The following MCFD2 variants were observed in gnomAD, a reference collection of about 807,000 sequenced individuals.
MCFD2 encodes multiple coagulation factor deficiency protein 2.
A neutral mutation model predicts 12.8 loss-of-function variants in MCFD2; 11 were observed. That is an observed-to-expected ratio of 0.86 (90% CI 0.54 to 1.42). The LOEUF (loss-of-function observed/expected upper bound fraction) is 1.42, where lower values mean the gene tolerates loss of function less well. MCFD2 is among the 40% of genes most tolerant of loss of function. MCFD2 has a pLI of 0.00. For missense variants in MCFD2, 191 were observed against 178.6 expected, an observed-to-expected ratio of 1.07 and a Z score of -0.40; for synonymous variants, 70 against 68.1, an observed-to-expected ratio of 1.03 and a Z score of -0.14.
chr2:46,918,829 G>A (rs1251978305), upstream of MCFD2, among the ~76,000 whole-genome samples: 4 of 152,166 alleles, frequency 2.6e-5, no homozygotes, highest in African/African-American at 9.6e-5. Flanking sequence ...GCAACTCTAC[G>A]TTGGAAATAA....
At chr2:46,922,734 G>A (rs144501742) in intron 1 of MCFD2, among the ~76,000 whole-genome samples, 33 of 152,180 alleles carry the variant, frequency 2.2e-4, no homozygotes, top group African/African-American at 5.8e-4. Flanking sequence ...AAAATGTGGG[G>A]AGGGGCGGGG....
chr2:46,914,865 A>C (rs993292372), intron 1 of MCFD2, among the ~76,000 whole-genome samples: 11 of 152,260 alleles, frequency 7.2e-5, no homozygotes, highest in Non-Finnish European at 7.3e-5. Flanking sequence ...AAAAAGATTC[A>C]GTATGGTTGA....
chr2:46,917,188 G>C (rs1486435633), upstream of MCFD2: 2 of 700,640 alleles, frequency 2.9e-6, no homozygotes, highest in African/African-American at 3.5e-5. Flanking sequence ...TTAAAGAAAA[G>C]AGTCTCCATG....
upstream of MCFD2, among the ~76,000 whole-genome samples, chr2:46,917,701 T>A (rs1162667492): frequency 1.8e-4 from 27 of 152,228 alleles, no homozygotes; most frequent in Admixed American, 1.5e-3. Context: ...AAACTTGCTG[T>A]ATTTTCTCCC....
intron 1 of MCFD2, 98 bp downstream of exon 1, chr2:46,915,625 C>T: frequency 3.0e-6 from 1 of 337,092 alleles, no homozygotes; most frequent in Non-Finnish European, 4.2e-6. Context: ...GCCCGCGCCC[C>T]CAGACTACTC....
intron 1 of MCFD2, among the ~76,000 whole-genome samples, chr2:46,923,815 C>T (rs553757025): frequency 1.9e-4 from 29 of 152,216 alleles, no homozygotes; most frequent in African/African-American, 6.5e-4. Context: ...TCACTGCAAC[C>T]TCTGCCTCCC....
intron 1 of MCFD2, among the ~76,000 whole-genome samples, chr2:46,926,347 C>G (rs1046324615): frequency 1.3e-5 from 2 of 152,118 alleles, no homozygotes; most frequent in Non-Finnish European, 2.9e-5. Context: ...GCTCCCTATC[C>G]TCAAGATACA....
chr2:46,919,198 T>C (rs1300870685), upstream of MCFD2, among the ~76,000 whole-genome samples: 1 of 152,254 alleles, frequency 6.6e-6, no homozygotes, highest in Non-Finnish European at 1.5e-5. Context: ...ATATTACTTA[T>C]TTGGAAAAAT....
chr2:46,924,784 C>T (rs909599431), intron 1 of MCFD2, among the ~76,000 whole-genome samples: 17 of 152,134 alleles, frequency 1.1e-4, no homozygotes, highest in African/African-American at 2.4e-4. Context: ...ACTGCCAGCA[C>T]GCCTGGCTAA....
chr2:46,928,777 A>G (rs544138141), intron 1 of MCFD2, among the ~76,000 whole-genome samples: 1 of 152,214 alleles, frequency 6.6e-6, no homozygotes, highest in Non-Finnish European at 1.5e-5. Flanking sequence ...AAGAAAAAAA[A>G]AAAGTCCCAC....
chr2:46,910,626 A>G (rs1286224842), intron 1 of MCFD2, among the ~76,000 whole-genome samples: 3 of 152,192 alleles, frequency 2.0e-5, no homozygotes, highest in Non-Finnish European at 4.4e-5. Context: ...CAGAACCCTG[A>G]AAGTGTGAGT....
At chr2:46,914,786 C>A (rs1202740427) in intron 1 of MCFD2, among the ~76,000 whole-genome samples, 2 of 152,168 alleles carry the variant, frequency 1.3e-5, no homozygotes, top group African/African-American at 2.4e-5. Flanking sequence ...AAGGACAGTG[C>A]CTCAGACATA....
chr2:46,932,746 C>T (rs1158497759), intron 1 of MCFD2, among the ~76,000 whole-genome samples: 1 of 151,404 alleles, frequency 6.6e-6, no homozygotes, highest in Non-Finnish European at 1.5e-5. Flanking sequence ...GCTAAAGATA[C>T]AAAAATTAGC....
intron 1 of MCFD2, among the ~76,000 whole-genome samples, chr2:46,931,050 A>C (rs1669675665): frequency 6.6e-6 from 1 of 152,244 alleles, no homozygotes; most frequent in Non-Finnish European, 1.5e-5. Context: ...TAGCAATTCA[A>C]ATCAAACAAT....
intron 1 of MCFD2, among the ~76,000 whole-genome samples, chr2:46,926,418 G>C (rs563449479): frequency 1.9e-4 from 29 of 152,262 alleles, no homozygotes; most frequent in African/African-American, 7.0e-4. Flanking sequence ...TTAGAGCCCA[G>C]GTCGCCATGG....
Position 46,902,546 on chromosome 2 carries a change from G to A in MCFD2, c.*2917C>T, listed in dbSNP as rs1036404659. The A allele has an allele frequency of 6.6e-6, 1 of 152,648 alleles. No individual in the cohort carries two copies. The allele number at this position is 152,648 out of a possible 1,614,324, so 9.5% of individuals were successfully genotyped here. ...TTGAAGAAGACAGAAAAGCAATAAA[G>A]TATAAGGATGTGGCAGTAGTTGTAT... On this transcript the variant is annotated 3_prime_UTR_variant, in exon 4 of 4. Transcript: ENST00000319466.
intron 1 of MCFD2, among the ~76,000 whole-genome samples, chr2:46,933,739 G>A (rs1419412508): frequency 2.6e-5 from 4 of 152,236 alleles, no homozygotes; most frequent in African/African-American, 4.8e-5. Flanking sequence ...CGCATATACT[G>A]ATGATCTGAG....
At chr2:46,922,236 G>C (rs1328204385) in intron 1 of MCFD2, among the ~76,000 whole-genome samples, 1 of 152,124 alleles carries the variant, frequency 6.6e-6, no homozygotes, top group Non-Finnish European at 1.5e-5. Context: ...TGTTGCATTA[G>C]GCCTATACCA....
At chr2:46,905,695 T>TAAAAAAA (rs59068176) in intron 3 of MCFD2, 101 bp from the exon 4 acceptor site, 30 of 508,934 alleles carry the variant, frequency 5.9e-5, no homozygotes, top group Middle Eastern at 6.1e-4. Context: ...CACTGTTTAT[T>TAAAAAAA]AAAAAAAAAA....
Sources: allele counts gnomAD v4.1 joint callset (sites outside exome capture counted in the v4.1 genomes callset), GRCh38; gene constraint gnomAD v4.1.1; transcripts MANE v1.5; gene names NCBI Gene and HGNC (gene_info 2026-07-23, HGNC 2026-07-21).